DIS3L2: variants seen among roughly 807,000 people sequenced by gnomAD.
The protein encoded by DIS3L2 is DIS3-like exonuclease 2.
In DIS3L2, 34 loss-of-function variants were observed where a neutral mutation model predicts 97.5. The observed-to-expected ratio is 0.35, with a 90% CI of 0.27 to 0.46. The LOEUF is 0.46. Ranked by LOEUF, DIS3L2 falls within the 20% of genes least tolerant of loss-of-function variation. The pLI, the probability that DIS3L2 is intolerant of heterozygous loss-of-function variation, is 1.00. For missense variants in DIS3L2, 1,038 were observed against 1,146.0 expected, an observed-to-expected ratio of 0.91 and a Z score of 1.36; for synonymous variants, 435 against 445.2, an observed-to-expected ratio of 0.98 and a Z score of 0.29.
chr2:232,091,531 A>T (rs548277729), intron 6 of DIS3L2, among the ~76,000 whole-genome samples: 4 of 152,306 alleles, frequency 2.6e-5, no homozygotes, highest in Admixed American at 2.6e-4. Flanking sequence ...TATATCTGCC[A>T]CATTTTCTTT....
At chr2:232,129,588 G>T (rs1397811700) in intron 6 of DIS3L2, among the ~76,000 whole-genome samples, 1 of 152,206 alleles carries the variant, frequency 6.6e-6, no homozygotes, top group African/African-American at 2.4e-5. Context: ...AGCATAGATG[G>T]AAAAGCAAAC....
Position 232,043,617 on chromosome 2 carries a change from CT to C in DIS3L2, c.366+13538del, listed in dbSNP as rs1163700274. Reference sequence around the variant, plus strand: ...AATTCAGAAGGAACCTGAAAATGTTCTAGATGGTCTGTCTATAAGATCACCC... The same window carrying C: ...AATTCAGAAGGAACCTGAAAATGTTCAGATGGTCTGTCTATAAGATCACCC... On this transcript the variant is annotated intron_variant, in intron 5 of 20. Transcript: ENST00000325385. Among the ~76,000 whole-genome samples, 4 of 152,118 alleles carry C rather than the reference CT, an allele frequency of 2.6e-5. No individual in the cohort carries two copies. In the East Asian group the frequency reaches 7.7e-4, roughly 29 times the overall value.
intron 14 of DIS3L2, among the ~76,000 whole-genome samples, chr2:232,311,918 G>C (rs2106331284): frequency 6.6e-6 from 1 of 152,276 alleles, no homozygotes; most frequent in Middle Eastern, 3.4e-3. Flanking sequence ...TTGCTTTTGA[G>C]TATATAATAG....
rs2678490 is a variant in DIS3L2, at chr2:232,325,181, G to A, written c.1740-4632G>A. 2.0e-4 allele frequency among the ~76,000 whole-genome samples: 31 copies of A among 152,292 alleles called. No homozygotes were observed. Among genetic ancestry groups the A allele is most frequent in the African/African-American group, 5.1e-4 (21 of 41,560 alleles). On this transcript the variant is annotated intron_variant, in intron 14 of 20. Transcript: ENST00000325385. This position sits in a 1 kb window ranked among gnomAD's most constrained non-coding sequence, Gnocchi z 4.6. ...TTCCCAGCATCGTCCTTTAAGATGC[G>A]ACAGAAACAGGTCCCACCTGAGCCA...
At chr2:232,014,598 T>C (rs1295177400) in intron 1 of DIS3L2, among the ~76,000 whole-genome samples, 1 of 152,138 alleles carries the variant, frequency 6.6e-6, no homozygotes, top group Admixed American at 6.5e-5. Context: ...GCCCCATTTG[T>C]GGAGATGTTT....
chr2:232,280,768 G>A (rs1694261080), intron 13 of DIS3L2, among the ~76,000 whole-genome samples: 1 of 152,214 alleles, frequency 6.6e-6, no homozygotes, highest in Non-Finnish European at 1.5e-5. Flanking sequence ...TGCAGCCGAA[G>A]TGCTCAGAAA....
In DIS3L2 at chr2:232,047,009, T is replaced by C. The variant is rs558595031; in HGVS notation, c.366+16929T>C. 2.6e-5 allele frequency among the ~76,000 whole-genome samples: 4 copies of C among 152,328 alleles called. No individual in the cohort carries two copies. The South Asian group carries it at 8.3e-4, about 32-fold the overall frequency. ...TCATGTCATTTCTGTCTTACTGGAC[T>C]CCAGCTTCACTCATTTTTTTCTGGA... is the stretch of plus-strand genomic sequence containing the variant. On this transcript the variant is annotated intron_variant, in intron 5 of 20. Coordinates refer to ENST00000325385, the MANE Select transcript of DIS3L2 (RefSeq NM_152383.5).
At chr2:232,267,686 C>T (rs1693887722) in intron 13 of DIS3L2, among the ~76,000 whole-genome samples, 2 of 152,140 alleles carry the variant, frequency 1.3e-5, no homozygotes, top group East Asian at 3.9e-4. Flanking sequence ...GGGAAGTTTG[C>T]TCTCTGCCTG....
chr2:232,175,504 C>T (rs1023588329), intron 9 of DIS3L2, among the ~76,000 whole-genome samples: 18 of 152,132 alleles, frequency 1.2e-4, no homozygotes, highest in African/African-American at 3.9e-4. Context: ...GTGAGGATAA[C>T]ACTGGCCTCA....
At chr2:232,079,861 A>G (rs1696335273) in intron 5 of DIS3L2, among the ~76,000 whole-genome samples, 1 of 152,188 alleles carries the variant, frequency 6.6e-6, no homozygotes, top group African/African-American at 2.4e-5. Flanking sequence ...ACAGCAAGAA[A>G]GTCTCTGGAG....
chr2:232,314,479 G>T (rs1025256210), intron 14 of DIS3L2, among the ~76,000 whole-genome samples: 1 of 152,006 alleles, frequency 6.6e-6, no homozygotes, highest in Non-Finnish European at 1.5e-5. Context: ...TCCCTAGCCC[G>T]AGAATGCCCC....
rs1414965936 is a variant in DIS3L2 at position 232,263,356 on chromosome 2, A to G, written c.1575A>G (p.Val525=). 2 of 1,614,190 alleles carry G rather than the reference A, an allele frequency of 1.2e-6. No individual in the cohort carries two copies. Among genetic ancestry groups the G allele is most frequent in the South Asian group, 1.1e-5 (1 of 91,082 alleles). The part of the protein sequence containing the change: ...PISPEHSSEE[V]HQAVLNLHGI... ...CCCCAGAGCATAGCAGCGAGGAGGT[A>G]CACCAGGCCGTCTTGAATCTCCACG... is the stretch of plus-strand genomic sequence containing the variant. Residue 525 remains valine, a synonymous_variant, in exon 13 of 21, where the codon GTA becomes GTG. Coordinates refer to ENST00000325385, the MANE Select transcript of DIS3L2 (RefSeq NM_152383.5).
At chr2:232,117,985 G>A (rs1261124393) in intron 6 of DIS3L2, among the ~76,000 whole-genome samples, 3 of 152,234 alleles carry the variant, frequency 2.0e-5, no homozygotes, top group African/African-American at 7.2e-5. Flanking sequence ...TCACAAGGCT[G>A]TAGTCAAGGT....
chr2:232,024,020 C>T (rs1482105084), intron 3 of DIS3L2, among the ~76,000 whole-genome samples: 7 of 152,112 alleles, frequency 4.6e-5, no homozygotes, highest in African/African-American at 9.7e-5. Context: ...TCCCACTCTA[C>T]GCCAAGCTCT....
chr2:232,320,141 G>A (rs1229667236), intron 14 of DIS3L2, among the ~76,000 whole-genome samples: 2 of 151,568 alleles, frequency 1.3e-5, no homozygotes, highest in African/African-American at 4.9e-5. Context: ...GCCACGTGGG[G>A]TGGGCACATG....
At chr2:232,111,838 T>A (rs1697545015) in intron 6 of DIS3L2, among the ~76,000 whole-genome samples, 1 of 152,162 alleles carries the variant, frequency 6.6e-6, no homozygotes, top group Non-Finnish European at 1.5e-5. Flanking sequence ...TTACTGCTAT[T>A]AGCAGCTATC....
chr2:232,329,789 T>TTGCCC, intron 14 of DIS3L2, 24 bp from the exon 15 acceptor site: 1 of 368,618 alleles, frequency 2.7e-6, no homozygotes, highest in Non-Finnish European at 5.1e-6. Context: ...CAGCGGTCCC[T>TTGCCC]CCCATCCCAC....
In DIS3L2 at chr2:232,336,745, GTTTTTA is replaced by G. The variant is rs1695968233; in HGVS notation, c.*125_*130del. ...TTGGTTTTTAACAACTCAGGGGTTT[GTTTTTA>G]TTTTTATTTAATTTTTGCAGCTCAA... is the stretch of plus-strand genomic sequence containing the variant. On this transcript the variant is annotated 3_prime_UTR_variant, in exon 21 of 21. Coordinates refer to ENST00000325385, the MANE Select transcript of DIS3L2 (RefSeq NM_152383.5). The G allele has an allele frequency of 8.1e-6, 12 of 1,487,296 alleles. No homozygotes were observed. Among genetic ancestry groups the G allele is most frequent in the African/African-American group, 2.9e-5 (2 of 70,066 alleles). The allele number at this position is 1,487,296 out of a possible 1,614,324, so 92.1% of individuals were successfully genotyped here. A position where few individuals can be genotyped will look rare whatever the true frequency, so the allele number is the denominator to read the frequency against.
chr2:232,342,270 T>A (rs974740145), intron 13 of DIS3L2, among the ~76,000 whole-genome samples: 1 of 151,444 alleles, frequency 6.6e-6, no homozygotes. Context: ...CATACACATA[T>A]ACATATATAC....
Sources: allele counts gnomAD v4.1 joint callset (sites outside exome capture counted in the v4.1 genomes callset), GRCh38; gene constraint gnomAD v4.1.1; non-coding constraint Gnocchi (gnomAD v3.1); transcripts MANE v1.5; gene names NCBI Gene and HGNC (gene_info 2026-07-23, HGNC 2026-07-21).